KLF8: variants seen among roughly 807,000 people sequenced by gnomAD.
KLF8 encodes KLF transcription factor 8, also known as Krueppel-like factor 8.
In KLF8, 10 loss-of-function variants were observed where a neutral mutation model predicts 18.2. That is an observed-to-expected ratio of 0.55 (90% CI 0.34 to 0.93). The LOEUF (loss-of-function observed/expected upper bound fraction) is 0.93, where lower values mean the gene tolerates loss of function less well. Among genes scored for constraint, KLF8 ranks in the 40% least tolerant of loss-of-function variants. The probability of loss-of-function intolerance (pLI) is 0.02; values close to 1 mark genes in which losing one functional copy is unlikely to be tolerated. For synonymous variants in KLF8, 109 were observed against 97.3 expected (o/e 1.12, Z -0.71); for missense variants, 264 against 277.9 (o/e 0.95, Z 0.36).
chrX:56,141,935 T>G, the KLF8 span, among the ~76,000 whole-genome samples: 1 of 112,113 alleles, frequency 8.9e-6, no homozygotes, highest in East Asian at 2.8e-4. Context: ...ATGCTATGTT[T>G]TCAGCGAAGA....
At chrX:56,081,377 C>G in the KLF8 span, among the ~76,000 whole-genome samples, 1 of 111,911 alleles carries the variant, frequency 8.9e-6, no homozygotes, top group African/African-American at 3.2e-5. Flanking sequence ...AAATTAGTAG[C>G]TTTTATGTGG....
the KLF8 span, among the ~76,000 whole-genome samples, chrX:55,938,893 C>T: frequency 8.9e-6 from 1 of 111,757 alleles, no homozygotes; most frequent in African/African-American, 3.3e-5. Flanking sequence ...TAGTGACCTA[C>T]AAAGAGACTT....
the KLF8 span, among the ~76,000 whole-genome samples, chrX:55,941,812 A>G: frequency 8.9e-6 from 1 of 111,868 alleles, no homozygotes; most frequent in Non-Finnish European, 1.9e-5. Context: ...CGAAACCACA[A>G]TGAAATACCA....
chrX:56,191,376 A>G, the KLF8 span, among the ~76,000 whole-genome samples: 1 of 111,895 alleles, frequency 8.9e-6, no homozygotes, highest in East Asian at 2.8e-4. Context: ...ATTTTATCAG[A>G]CATTTAAAGA....
chrX:55,937,905 A>G, the KLF8 span, among the ~76,000 whole-genome samples: 1 of 112,253 alleles, frequency 8.9e-6, no homozygotes, highest in Non-Finnish European at 1.9e-5. Flanking sequence ...TGACTGGTGT[A>G]CCTGAAAGTG....
chrX:56,133,829 A>G, the KLF8 span, among the ~76,000 whole-genome samples: 6 of 111,551 alleles, frequency 5.4e-5, no homozygotes, highest in African/African-American at 2.0e-4. Context: ...TCAGGATACT[A>G]AATTAATGTA....
At chrX:55,927,554 C>T in the KLF8 span, among the ~76,000 whole-genome samples, 8 of 112,046 alleles carry the variant, frequency 7.1e-5, no homozygotes, top group Admixed American at 7.6e-4. Flanking sequence ...TGCTGTTTCC[C>T]TGTATCTACT....
chrX:55,936,574 G>A, the KLF8 span, among the ~76,000 whole-genome samples: 2 of 112,880 alleles, frequency 1.8e-5, no homozygotes, highest in African/African-American at 3.2e-5. Flanking sequence ...AAAGCAGGGC[G>A]AGGCATTGCC....
chrX:56,055,030 C>T, the KLF8 span, among the ~76,000 whole-genome samples: 28 of 111,648 alleles, frequency 2.5e-4, no homozygotes, highest in Non-Finnish European at 4.7e-4. Context: ...ATTTAATCGA[C>T]CTTACTACCC....
the KLF8 span, among the ~76,000 whole-genome samples, chrX:56,102,452 A>T: frequency 1.8e-5 from 2 of 111,406 alleles, no homozygotes; most frequent in Non-Finnish European, 3.8e-5. Flanking sequence ...TTGGTTCCGC[A>T]TGTATTTTAG....
chrX:56,215,459 C>T, the KLF8 span, among the ~76,000 whole-genome samples: 1 of 110,607 alleles, frequency 9.0e-6, no homozygotes, highest in African/African-American at 3.3e-5. Flanking sequence ...CTTGAGGTCT[C>T]CAGAAGCAAT....
At chrX:56,161,631 G>T in the KLF8 span, among the ~76,000 whole-genome samples, 1 of 111,327 alleles carries the variant, frequency 9.0e-6, no homozygotes, top group South Asian at 3.8e-4. Context: ...GGTCCTTTAA[G>T]CACTTCTCTG....
At chrX:56,059,118 T>A in the KLF8 span, among the ~76,000 whole-genome samples, 1 of 112,540 alleles carries the variant, frequency 8.9e-6, no homozygotes, top group Non-Finnish European at 1.9e-5. Context: ...ATGAGCTTTT[T>A]TTCATGTGTT....
At chrX:56,145,218 G>C in the KLF8 span, among the ~76,000 whole-genome samples, 1 of 112,102 alleles carries the variant, frequency 8.9e-6, no homozygotes, top group Non-Finnish European at 1.9e-5. Flanking sequence ...CACATGAAAA[G>C]ATGCTCAACA....
chrX:56,162,512 C>G, the KLF8 span, among the ~76,000 whole-genome samples: 4 of 111,826 alleles, frequency 3.6e-5, no homozygotes, highest in East Asian at 1.1e-3. Flanking sequence ...GCAGTTTGAT[C>G]TCAGACTGCT....
At chrX:56,116,634 GATATAT>G in the KLF8 span, among the ~76,000 whole-genome samples, 2,317 of 77,967 alleles carry the variant, frequency 0.03, 40 homozygotes, top group African/African-American at 0.062. Flanking sequence ...ATGATGTTCT[GATATAT>G]ATATATATAT....
At chrX:56,010,513 G>A in the KLF8 span, among the ~76,000 whole-genome samples, 1 of 111,712 alleles carries the variant, frequency 9.0e-6, no homozygotes, top group Non-Finnish European at 1.9e-5. Context: ...AAAACACAAT[G>A]AAATACAATG....
chrX:56,053,816 G>T, the KLF8 span, among the ~76,000 whole-genome samples: 2 of 109,874 alleles, frequency 1.8e-5, no homozygotes, highest in African/African-American at 6.6e-5. Flanking sequence ...ATACTGTCTG[G>T]TGTTAATTTG....
At chrX:56,039,897 T>G in the KLF8 span, among the ~76,000 whole-genome samples, 1 of 112,004 alleles carries the variant, frequency 8.9e-6, no homozygotes, top group East Asian at 2.8e-4. Flanking sequence ...CTCTCTGATT[T>G]CTTTGAGCAG....
Sources: allele counts gnomAD v4.1 joint callset (sites outside exome capture counted in the v4.1 genomes callset), GRCh38; gene constraint gnomAD v4.1.1; transcripts MANE v1.5; gene names NCBI Gene and HGNC (gene_info 2026-07-23, HGNC 2026-07-21).